The following ZMIZ2 variants were observed in gnomAD, a reference collection of about 807,000 sequenced individuals.
ZMIZ2 encodes zinc finger MIZ domain-containing protein 2.
ZMIZ2 carries 26 observed loss-of-function variants against 93.9 expected under a neutral mutation model. The observed-to-expected ratio is 0.28, with a 90% CI of 0.20 to 0.38. The LOEUF (loss-of-function observed/expected upper bound fraction) is 0.38. Ranked by LOEUF, ZMIZ2 falls within the 10% of genes least tolerant of loss-of-function variation. ZMIZ2 has a pLI of 1.00. For synonymous variants in ZMIZ2, 485 were observed against 516.4 expected, an observed-to-expected ratio of 0.94 and a Z score of 0.82; for missense variants, 1,023 against 1,235.0, an observed-to-expected ratio of 0.83 and a Z score of 2.57.
At chr7:44,758,163 GC>G in intron 6 of ZMIZ2, 55 bp downstream of exon 6, 1 of 1,490,030 alleles carries the variant, frequency 6.7e-7, no homozygotes, top group Non-Finnish European at 8.9e-7. Context: ...CCTCACCCAG[GC>G]ACTCTTTAGA....
At position 44,762,936 on chromosome 7, in the gene ZMIZ2, A is replaced by G; in HGVS notation, c.1652A>G (p.Gln551Arg). ...CGCCCATCCGTCCGCTCGGTGCTGC[A>G]GGGCCTCCTCAAAAAGCGCCTCCTG... is the stretch of plus-strand genomic sequence containing the variant. The part of the protein sequence containing the change: ...VHRPSVRSVL[Q>R]GLLKKRLLPA... The change falls in exon 12 of 19, where the codon CAG becomes CGG. Residue 551 changes from glutamine to arginine, a missense_variant. Physicochemically the swap from Gln to Arg is conservative, Grantham distance 43. This residue lies in a region of ZMIZ2 where 656 missense variants were observed against 777.1 expected (regional missense o/e 0.84). Coordinates refer to ENST00000309315, the MANE Select transcript of ZMIZ2 (RefSeq NM_031449.4). The G allele has an allele frequency of 6.2e-7, 1 of 1,613,566 alleles. No homozygotes were observed. The highest frequency in any genetic ancestry group is 8.5e-7 in the Non-Finnish European group (1 of 1,179,694).
rs1791434161 is a variant in ZMIZ2, at chr7:44,763,794, T to C, written c.1860+381T>C. The C allele has an allele frequency of 4.4e-6, 1 of 226,928 alleles. No individual in the cohort carries two copies. Among genetic ancestry groups the C allele is most frequent in the African/African-American group, 2.3e-5 (1 of 43,614 alleles). 14.1% of individuals were successfully genotyped at this position (226,928 alleles called of 1,614,324 possible). On this transcript the variant is annotated intron_variant, in intron 13 of 18. Transcript: ENST00000309315. The surrounding 1 kb of genome is among the most constrained non-coding windows in gnomAD (Gnocchi z 5.6). ...ACAGCCCACTGTCTCTGTGGTTACA[T>C]AGTGGTCCCTATTGCACAAACTGCT...
intron 6 of ZMIZ2, among the ~76,000 whole-genome samples, chr7:44,758,695 G>A (rs528869912): frequency 4.3e-4 from 65 of 151,678 alleles, no homozygotes; most frequent in Admixed American, 2.0e-3. Flanking sequence ...GGTGGATCAC[G>A]AGGTCAGGAG....
chr7:44,751,937 C>T (rs938302873), intron 1 of ZMIZ2, among the ~76,000 whole-genome samples: 3 of 150,160 alleles, frequency 2.0e-5, no homozygotes, highest in Non-Finnish European at 4.4e-5. Flanking sequence ...ACTCCAGCCT[C>T]GGTGAAAGAG....
rs756992774 is a variant in ZMIZ2 at position 44,766,216 on chromosome 7, G to T, written c.2295G>T (p.Thr765=). The T allele has an allele frequency of 7.9e-5, 59 of 745,104 alleles. No homozygotes were observed. The highest frequency in any genetic ancestry group is 2.7e-4 in the Middle Eastern group (1 of 3,698). The allele number at this position is 745,104 out of a possible 1,614,324, so 46.2% of individuals were successfully genotyped here. A position where few individuals can be genotyped will look rare whatever the true frequency, so the allele number is the denominator to read the frequency against. ...GTFPESFPPT[T]PSTPTLAEFT... is the part of the protein sequence containing the mutation. ...TCCCTGAGTCCTTCCCACCCACCAC[G>T]CCCAGCACCCCAACCCTTGCTGAGT... Residue 765 remains threonine, a synonymous_variant, in exon 17 of 19, where the codon ACG becomes ACT. Transcript: ENST00000309315. This position sits in a 1 kb window ranked among gnomAD's most constrained non-coding sequence, Gnocchi z 4.4.
rs907701060 is a variant in ZMIZ2 at position 44,768,981 on chromosome 7, C to G, written c.*1358C>G. 6.5e-6 allele frequency: 1 copy of G among 152,690 alleles called. No homozygotes were observed. Among genetic ancestry groups the G allele is most frequent in the African/African-American group, 2.4e-5 (1 of 41,478 alleles). The allele number at this position is 152,690 out of a possible 1,614,324, so 9.5% of individuals were successfully genotyped here. A position where few individuals can be genotyped will look rare whatever the true frequency, so the allele number is the denominator to read the frequency against. The stretch of plus-strand genomic sequence containing the variant: ...GCTTGCCCAGGAGAGACATTTGCCA[C>G]TATGTCACCTTATCTGGGCTTGCCC... On this transcript the variant is annotated 3_prime_UTR_variant, in exon 19 of 19. Transcript: ENST00000309315.
rs1490124995 is a variant in ZMIZ2, at chr7:44,763,171, TG to T, written c.1703-82del. On this transcript the variant is annotated intron_variant, in intron 12 of 18. Transcript: ENST00000309315. This position sits in a 1 kb window ranked among gnomAD's most constrained non-coding sequence, Gnocchi z 5.6. ...TCAGAGCTGTCAGTGGGTCAGTGAC[TG>T]GGTCCCTGCCTCGTTGGCATCCCCA... 1.3e-6 allele frequency: 2 copies of T among 1,562,146 alleles called. No individual in the cohort carries two copies. The highest frequency in any genetic ancestry group is 1.7e-6 in the Non-Finnish European group (2 of 1,148,416).
Position 44,767,722 on chromosome 7 carries a change from C to G in ZMIZ2, c.*99C>G, listed in dbSNP as rs1406110811. ...CCATGGGACACCCGGTGGTCTTTCC[C>G]AAACCTCCCCCAAAACACACCTGGA... On this transcript the variant is annotated 3_prime_UTR_variant, in exon 19 of 19. Coordinates refer to ENST00000309315, the MANE Select transcript of ZMIZ2 (RefSeq NM_031449.4). 9.3e-7 allele frequency: 1 copy of G among 1,076,214 alleles called. No individual in the cohort carries two copies. Among genetic ancestry groups the G allele is most frequent in the African/African-American group, 1.6e-5 (1 of 64,420 alleles). 66.7% of individuals were successfully genotyped at this position (1,076,214 alleles called of 1,614,324 possible). A position where few individuals can be genotyped will look rare whatever the true frequency, so the allele number is the denominator to read the frequency against.
At chr7:44,751,259 G>C (rs1429570568) in intron 1 of ZMIZ2, among the ~76,000 whole-genome samples, 1 of 152,202 alleles carries the variant, frequency 6.6e-6, no homozygotes, top group Admixed American at 6.5e-5. Context: ...TCCTAGATCT[G>C]AGGTTCTCAA....
chr7:44,752,619 G>T (rs1790252346), intron 1 of ZMIZ2, among the ~76,000 whole-genome samples: 1 of 152,164 alleles, frequency 6.6e-6, no homozygotes, highest in Non-Finnish European at 1.5e-5. Flanking sequence ...ACACCGTGTA[G>T]CCTCTTGGGA....
chr7:44,750,043 A>C (rs974650077), intron 1 of ZMIZ2: 1 of 152,172 alleles, frequency 6.6e-6, no homozygotes, highest in African/African-American at 2.4e-5. Context: ...GTAAATGAAG[A>C]GAACAAGCAG....
rs1190670865 is a variant in ZMIZ2, at chr7:44,767,881, G to A, written c.*258G>A. The A allele has an allele frequency of 5.4e-6, 3 of 550,632 alleles. No homozygotes were observed. Among genetic ancestry groups the A allele is most frequent in the Non-Finnish European group, 9.8e-6 (3 of 304,766 alleles). 34.1% of individuals were successfully genotyped at this position (550,632 alleles called of 1,614,324 possible). On this transcript the variant is annotated 3_prime_UTR_variant, in exon 19 of 19. Coordinates refer to ENST00000309315, the MANE Select transcript of ZMIZ2 (RefSeq NM_031449.4). Reference sequence around the variant, plus strand: ...CTGCTGCAGAACGGTTTTTGCTGAGGTGCCCCTGCCCAGCCCTGTCCAGCC... The same window carrying A: ...CTGCTGCAGAACGGTTTTTGCTGAGATGCCCCTGCCCAGCCCTGTCCAGCC...
intron 6 of ZMIZ2, 110 bp from the exon 7 acceptor site, chr7:44,759,171 C>A: frequency 9.7e-7 from 1 of 1,026,384 alleles, no homozygotes; most frequent in Non-Finnish European, 1.3e-6. Flanking sequence ...TCAAGGGAAC[C>A]AGGAAATCTC....
chr7:44,749,110 G>A (rs2116548908), intron 1 of ZMIZ2, 119 bp downstream of exon 1: 1 of 152,250 alleles, frequency 6.6e-6, no homozygotes, highest in Admixed American at 6.6e-5. Flanking sequence ...GGCAGGTGTA[G>A]CTGGTCGCCC....
At chr7:44,754,307 C>T (rs1790408241) in intron 1 of ZMIZ2, among the ~76,000 whole-genome samples, 2 of 152,202 alleles carry the variant, frequency 1.3e-5, no homozygotes, top group African/African-American at 4.8e-5. Flanking sequence ...CCATCAGCCC[C>T]TGGTTTTCTT....
Position 44,767,618 on chromosome 7 carries a change from A to G in ZMIZ2, c.2758A>G (p.Asn920Asp). Residue 920 changes from asparagine (N) to aspartate (D), a missense_variant, in exon 19 of 19, where the codon AAC (asparagine) becomes GAC (aspartate). Around this residue, in one of 3 missense-constraint regions of ZMIZ2, gnomAD observed 319 missense variants for 358.8 expected, o/e 0.89. Transcript: ENST00000309315. Reference sequence around the variant, plus strand: ...CGACCTGCTTTCTCTGTTTGAGAACAACTGATCCTGTGTTTACCCCAAGCC... The same window carrying G: ...CGACCTGCTTTCTCTGTTTGAGAACGACTGATCCTGTGTTTACCCCAAGCC... ...NDDLLSLFEN[N>D] 6.2e-7 allele frequency: 1 copy of G among 1,613,990 alleles called. No individual in the cohort carries two copies. The highest frequency in any genetic ancestry group is 8.5e-7 in the Non-Finnish European group (1 of 1,179,882).
chr7:44,754,811 G>A (rs747089509), intron 1 of ZMIZ2, among the ~76,000 whole-genome samples: 8 of 152,192 alleles, frequency 5.3e-5, no homozygotes, highest in Non-Finnish European at 1.0e-4. Flanking sequence ...TATCCAAGGC[G>A]AGCATGCCTG....
chr7:44,760,294 C>G, intron 8 of ZMIZ2, 66 bp downstream of exon 8: 3 of 1,571,162 alleles, frequency 1.9e-6, no homozygotes, highest in Non-Finnish European at 2.6e-6. Context: ...GAGAGGGCGA[C>G]CGGGCAGGCA....
Position 44,757,067 on chromosome 7 carries a change from G to GAAGGCGGCGCCACAC in ZMIZ2, c.298_299insCACAAGGCGGCGCCA (p.Ala99_Asn100insThrGlnGlyGlyAla). 1 of 1,608,350 alleles carries GAAGGCGGCGCCACAC rather than the reference G, an allele frequency of 6.2e-7. No homozygotes were observed. The highest frequency in any genetic ancestry group is 1.3e-5 in the African/African-American group (1 of 74,770). On this transcript the variant is annotated inframe_insertion, in exon 4 of 19. Coordinates refer to ENST00000309315, the MANE Select transcript of ZMIZ2 (RefSeq NM_031449.4). ...GTGCCTGGGACAGCAGGCGTTTGCT[G>GAAGGCGGCGCCACAC]AAGGCGGCGCCAACAAGGGCTACGT...
Sources: allele counts gnomAD v4.1 joint callset (sites outside exome capture counted in the v4.1 genomes callset), GRCh38; gene constraint gnomAD v4.1.1; regional missense constraint gnomAD v4.1.1; non-coding constraint Gnocchi (gnomAD v3.1); transcripts MANE v1.5; gene names NCBI Gene and HGNC (gene_info 2026-07-23, HGNC 2026-07-21).